Variants in SAMD12 observed in about 807,000 individuals in gnomAD.
SAMD12 encodes the protein sterile alpha motif domain-containing protein 12.
In SAMD12, 9 loss-of-function variants were observed where a neutral mutation model predicts 15.0. That is an observed-to-expected ratio of 0.60 (90% confidence interval 0.36 to 1.05). The LOEUF (loss-of-function observed/expected upper bound fraction) is 1.05. SAMD12 is among the 50% of genes least tolerant of loss of function. The pLI, the probability that SAMD12 is intolerant of heterozygous loss-of-function variation, is 0.01. For synonymous variants in SAMD12, 86 were observed against 90.1 expected (o/e 0.96, Z 0.25); for missense variants, 230 against 234.2 (o/e 0.98, Z 0.12).
chr8:118,568,062 T>C (rs188277124), intron 2 of SAMD12, among the ~76,000 whole-genome samples: 135 of 152,168 alleles, frequency 8.9e-4, no homozygotes, highest in African/African-American at 3.1e-3. Context: ...TAAACATAAA[T>C]TATGTATGGT....
At chr8:118,206,037 T>C (rs1819854585) in intron 4 of SAMD12, among the ~76,000 whole-genome samples, 1 of 152,212 alleles carries the variant, frequency 6.6e-6, no homozygotes, top group Non-Finnish European at 1.5e-5. Context: ...GGAGGTTAAA[T>C]TGAATCTCTA....
chr8:118,392,937 G>T (rs1378489365), intron 3 of SAMD12, among the ~76,000 whole-genome samples: 1 of 152,176 alleles, frequency 6.6e-6, no homozygotes, highest in Non-Finnish European at 1.5e-5. Context: ...TGGTTTAGGA[G>T]TTTGCTTCCA....
At chr8:118,523,279 G>A (rs1437792637) in intron 2 of SAMD12, among the ~76,000 whole-genome samples, 2 of 152,162 alleles carry the variant, frequency 1.3e-5, no homozygotes, top group African/African-American at 4.8e-5. Flanking sequence ...TTCTTTGCTT[G>A]TGGACAAAAG....
At chr8:118,308,025 C>A (rs1339847243) in intron 4 of SAMD12, among the ~76,000 whole-genome samples, 1 of 152,216 alleles carries the variant, frequency 6.6e-6, no homozygotes, top group Non-Finnish European at 1.5e-5. Flanking sequence ...TAACTGTTCC[C>A]CTTCTGCTAG....
At chr8:118,292,349 G>GACACACACACAGACAC (rs1814428405) in intron 4 of SAMD12, among the ~76,000 whole-genome samples, 1 of 137,624 alleles carries the variant, frequency 7.3e-6, no homozygotes, top group African/African-American at 2.8e-5. Flanking sequence ...CAAACACACA[G>GACACACACACAGACAC]ACACACACAC....
chr8:118,165,787 A>C, the SAMD12 span, among the ~76,000 whole-genome samples: 1 of 151,068 alleles, frequency 6.6e-6, no homozygotes, highest in Non-Finnish European at 1.5e-5. Flanking sequence ...TGTTCTCTTC[A>C]GATCTACAAT....
rs374076059 is a variant in SAMD12 at position 118,384,787 on chromosome 8, C to T, written c.323-5087G>A. 2.6e-5 allele frequency among the ~76,000 whole-genome samples: 4 copies of T among 152,282 alleles called. No homozygotes were observed. In the East Asian group the frequency reaches 7.7e-4, roughly 29 times the overall value. On this transcript the variant is annotated intron_variant, in intron 3 of 3. Transcript: ENST00000314727. ...TCTTCTTTTCTTGAATGCTCTTATT[C>T]CTTCAAGACTCTCCTCGAACCCCAA... is the stretch of plus-strand genomic sequence containing the variant.
At chr8:118,438,681 G>T (rs1050683686) in intron 3 of SAMD12, among the ~76,000 whole-genome samples, 5 of 152,102 alleles carry the variant, frequency 3.3e-5, no homozygotes, top group Non-Finnish European at 2.9e-5. Context: ...AATACTTTCT[G>T]CTTAACAAGT....
chr8:118,275,253 C>T (rs1194711498), intron 4 of SAMD12, among the ~76,000 whole-genome samples: 1 of 152,140 alleles, frequency 6.6e-6, no homozygotes, highest in African/African-American at 2.4e-5. Context: ...ATATGATGAA[C>T]AATTTTCTAA....
rs546651222 is a variant in SAMD12, at chr8:118,233,177, C to A, written c.434-35445G>T. Among the ~76,000 whole-genome samples, 284 of 152,234 alleles carry A rather than the reference C, an allele frequency of 1.9e-3. 2 individuals are homozygous for A. The highest frequency in any genetic ancestry group is 6.8e-3 in the Middle Eastern group (2 of 294). Reference sequence around the variant, plus strand: ...TTCTTATTTCAACTTCTCGATAAATCCCCCAAAGGGTTTTGGCACCCACAG... The same window carrying A: ...TTCTTATTTCAACTTCTCGATAAATACCCCAAAGGGTTTTGGCACCCACAG... On this transcript the variant is annotated intron_variant, in intron 4 of 4. Coordinates refer to the SAMD12 transcript ENST00000409003.
At chr8:118,372,989 G>A (rs752853904), downstream of SAMD12, among the ~76,000 whole-genome samples, 2 of 152,020 alleles carry the variant, frequency 1.3e-5, no homozygotes, top group Non-Finnish European at 2.9e-5. Context: ...GGTTGCCAGG[G>A]GCTGGTAGTA....
intron 4 of SAMD12, among the ~76,000 whole-genome samples, chr8:118,269,184 T>C (rs1813276091): frequency 6.6e-6 from 1 of 150,980 alleles, no homozygotes; most frequent in African/African-American, 2.4e-5. Flanking sequence ...CACATTCTTC[T>C]TTGCTTTTGT....
At chr8:118,424,978 G>T (rs999967182) in intron 3 of SAMD12, among the ~76,000 whole-genome samples, 1 of 147,822 alleles carries the variant, frequency 6.8e-6, no homozygotes, top group South Asian at 2.1e-4. Flanking sequence ...TTGCTCTGTC[G>T]CCCAGGCTGG....
intron 3 of SAMD12, among the ~76,000 whole-genome samples, chr8:118,417,640 G>C (rs1821769525): frequency 6.6e-6 from 1 of 151,978 alleles, no homozygotes; most frequent in Non-Finnish European, 1.5e-5. Flanking sequence ...AAAATATTCA[G>C]TAAGTAAACA....
chr8:118,151,554 C>T, the SAMD12 span, among the ~76,000 whole-genome samples: 214 of 152,184 alleles, frequency 1.4e-3, 1 homozygote, highest in Non-Finnish European at 2.6e-3. Flanking sequence ...CCAGGCCGGG[C>T]GTGGTGGCTC....
chr8:118,313,238 A>G (rs1375365623), intron 4 of SAMD12, among the ~76,000 whole-genome samples: 2 of 152,226 alleles, frequency 1.3e-5, no homozygotes, highest in South Asian at 2.1e-4. Context: ...TTATGCCCCT[A>G]TATTGACATA....
intron 2 of SAMD12, among the ~76,000 whole-genome samples, chr8:118,451,359 A>T (rs1823074628): frequency 6.6e-6 from 1 of 152,214 alleles, no homozygotes; most frequent in Non-Finnish European, 1.5e-5. Context: ...GGTATGCCAA[A>T]GGCAGAGCTG....
intron 3 of SAMD12, among the ~76,000 whole-genome samples, chr8:118,380,425 A>C (rs1586634578): frequency 6.6e-6 from 1 of 152,178 alleles, no homozygotes; most frequent in South Asian, 2.1e-4. Context: ...TGCAGTGTGC[A>C]GACACCCTGG....
chr8:118,535,464 C>G (rs1825813833), intron 2 of SAMD12, among the ~76,000 whole-genome samples: 1 of 152,240 alleles, frequency 6.6e-6, no homozygotes, highest in Admixed American at 6.5e-5. Flanking sequence ...AACCACTACT[C>G]TCTTCAAAGG....
Sources: allele counts gnomAD v4.1 joint callset (sites outside exome capture counted in the v4.1 genomes callset), GRCh38; gene constraint gnomAD v4.1.1; transcripts MANE v1.5; gene names NCBI Gene and HGNC (gene_info 2026-07-23, HGNC 2026-07-21).